DYNC1I2: variants seen among roughly 807,000 people sequenced by gnomAD.
The protein encoded by DYNC1I2 is dynein cytoplasmic 1 intermediate chain 2.
A neutral mutation model predicts 88.6 loss-of-function variants in DYNC1I2; 53 were observed. The observed-to-expected ratio is 0.60, with a 90% CI of 0.48 to 0.75. DYNC1I2 has a LOEUF of 0.75. DYNC1I2 is among the 30% of genes least tolerant of loss of function. The probability of loss-of-function intolerance (pLI) is 0.00; values close to 1 mark genes in which losing one functional copy is unlikely to be tolerated. For synonymous variants in DYNC1I2, 198 were observed against 254.6 expected, an observed-to-expected ratio of 0.78 and a Z score of 2.12; for missense variants, 458 against 766.6, an observed-to-expected ratio of 0.60 and a Z score of 4.75.
At chr2:171,703,993 C>T (rs928765787) in intron 3 of DYNC1I2, among the ~76,000 whole-genome samples, 1 of 152,290 alleles carries the variant, frequency 6.6e-6, no homozygotes, top group African/African-American at 2.4e-5. Flanking sequence ...GTCTTTCTTC[C>T]TGATAAAAAC....
chr2:171,704,162 C>T (rs1686489304), intron 3 of DYNC1I2, among the ~76,000 whole-genome samples: 1 of 152,036 alleles, frequency 6.6e-6, no homozygotes, highest in African/African-American at 2.4e-5. Context: ...TAAAAATATT[C>T]TAGTTGTTTC....
At chr2:171,691,417 C>A (rs1685396386) in intron 2 of DYNC1I2, among the ~76,000 whole-genome samples, 1 of 151,996 alleles carries the variant, frequency 6.6e-6, no homozygotes, top group Non-Finnish European at 1.5e-5. Flanking sequence ...TCTTTAGGAC[C>A]AAGTTTTTAT....
chr2:171,699,591 AGTGTGTGTGTGTGTGTGTGT>A (rs3223500), intron 3 of DYNC1I2, among the ~76,000 whole-genome samples: 12 of 137,734 alleles, frequency 8.7e-5, no homozygotes, highest in Admixed American at 3.7e-4. Context: ...CATCATTTGG[AGTGTGTGTGTGTGTGTGTGT>A]GTGTGTGTGT....
In DYNC1I2 at chr2:171,728,870, T is replaced by C. The variant is rs763749269; in HGVS notation, c.1391+20T>C. The C allele has an allele frequency of 3.8e-6, 6 of 1,593,130 alleles. No homozygotes were observed. Among genetic ancestry groups the C allele is most frequent in the South Asian group, 2.3e-5 (2 of 86,610 alleles). On this transcript the variant is annotated intron_variant, in intron 14 of 17. Coordinates refer to ENST00000397119, the MANE Select transcript of DYNC1I2 (RefSeq NM_001378.3). Reference sequence around the variant, plus strand: ...TGGCAGGTAAACCTAAACTGGAATTTGCAATAATTTAAAATTCCTCCTTTA... The same window carrying C: ...TGGCAGGTAAACCTAAACTGGAATTCGCAATAATTTAAAATTCCTCCTTTA...
chr2:171,697,814 A>G (rs961802993), intron 3 of DYNC1I2, among the ~76,000 whole-genome samples: 2 of 152,056 alleles, frequency 1.3e-5, no homozygotes, highest in Non-Finnish European at 2.9e-5. Context: ...TGATCGCACT[A>G]CTGAACTCTA....
chr2:171,710,434 T>A (rs776817867), intron 5 of DYNC1I2, among the ~76,000 whole-genome samples: 2 of 152,178 alleles, frequency 1.3e-5, no homozygotes, highest in Non-Finnish European at 2.9e-5. Flanking sequence ...GCAACTTCAG[T>A]TGGCTAAGAT....
At chr2:171,713,330 A>T (rs1418642140) in intron 6 of DYNC1I2, among the ~76,000 whole-genome samples, 1 of 152,000 alleles carries the variant, frequency 6.6e-6, no homozygotes, top group Non-Finnish European at 1.5e-5. Flanking sequence ...GGATTAATAG[A>T]TTATTCATAG....
chr2:171,717,597 A>G (rs1244201146), intron 7 of DYNC1I2, among the ~76,000 whole-genome samples: 3 of 152,206 alleles, frequency 2.0e-5, no homozygotes, highest in Non-Finnish European at 2.9e-5. Flanking sequence ...GAAAGAAAGT[A>G]TGGAGCTTTC....
At chr2:171,730,811 C>T (rs186757652) in intron 15 of DYNC1I2, among the ~76,000 whole-genome samples, 5 of 152,092 alleles carry the variant, frequency 3.3e-5, no homozygotes, top group African/African-American at 9.6e-5. Flanking sequence ...GTAAGAAAAC[C>T]TAATGTAAGA....
At chr2:171,746,247 A>T (rs1367166954) in intron 17 of DYNC1I2, among the ~76,000 whole-genome samples, 1 of 152,178 alleles carries the variant, frequency 6.6e-6, no homozygotes, top group East Asian at 1.9e-4. Flanking sequence ...TTGGGGTTTT[A>T]TTGATATTGA....
At chr2:171,698,256 C>T (rs938710972) in intron 3 of DYNC1I2, among the ~76,000 whole-genome samples, 1 of 152,188 alleles carries the variant, frequency 6.6e-6, no homozygotes, top group Non-Finnish European at 1.5e-5. Context: ...TAAAGGGGAG[C>T]TTTCTCTCAA....
chr2:171,689,548 A>G (rs756036716), intron 1 of DYNC1I2, among the ~76,000 whole-genome samples: 137 of 152,196 alleles, frequency 9.0e-4, no homozygotes, highest in Non-Finnish European at 7.1e-4. Context: ...GGTACCTAAT[A>G]TATTGTCATC....
At chr2:171,746,225 T>C (rs1689769031) in intron 17 of DYNC1I2, among the ~76,000 whole-genome samples, 1 of 152,178 alleles carries the variant, frequency 6.6e-6, no homozygotes, top group Non-Finnish European at 1.5e-5. Context: ...AGTTTGGAGT[T>C]ATAGGTGGAC....
At position 171,708,476 on chromosome 2, in the gene DYNC1I2, T is replaced by G. The variant is rs1686853910; in HGVS notation, c.335+1099T>G. The stretch of plus-strand genomic sequence containing the variant: ...AAGTGCTTTCCAAATAGAACCAAAA[T>G]CACAAATCTAAGCTATACTATCTTT... On this transcript the variant is annotated intron_variant, in intron 5 of 17. Coordinates refer to ENST00000397119, the MANE Select transcript of DYNC1I2 (RefSeq NM_001378.3). Among the ~76,000 whole-genome samples the G allele has an allele frequency of 2.6e-5, 4 of 152,242 alleles. No individual in the cohort carries two copies. In the South Asian group the frequency reaches 8.3e-4, roughly 32 times the overall value.
At chr2:171,736,237 A>C (rs1334269316) in intron 15 of DYNC1I2, among the ~76,000 whole-genome samples, 1 of 152,238 alleles carries the variant, frequency 6.6e-6, no homozygotes, top group Non-Finnish European at 1.5e-5. Context: ...CATTTGCCTC[A>C]GTAACTTGCT....
rs1295323075 is a variant in DYNC1I2 at position 171,742,801 on chromosome 2, G to T, written c.1537-1248G>T. On this transcript the variant is annotated intron_variant, in intron 15 of 17. Coordinates refer to ENST00000397119, the MANE Select transcript of DYNC1I2 (RefSeq NM_001378.3). ...CACTTCTGTCTGAACTTACTGCTTT[G>T]TCTCTTTTGTCTGGCATTCTACAAC... 3.3e-5 allele frequency among the ~76,000 whole-genome samples: 5 copies of T among 152,090 alleles called. No individual in the cohort carries two copies. The East Asian group carries it at 9.6e-4, about 29-fold the overall frequency.
intron 15 of DYNC1I2, among the ~76,000 whole-genome samples, chr2:171,732,798 C>T (rs1688712975): frequency 1.3e-5 from 2 of 152,190 alleles, no homozygotes; most frequent in African/African-American, 4.8e-5. Flanking sequence ...TGTATAGTCA[C>T]AGGAGACACA....
intron 16 of DYNC1I2, among the ~76,000 whole-genome samples, chr2:171,744,868 T>G (rs183543723): frequency 6.6e-6 from 1 of 152,176 alleles, no homozygotes; most frequent in Non-Finnish European, 1.5e-5. Flanking sequence ...ATAATTAATA[T>G]TAGCATTTCT....
chr2:171,739,865 C>G (rs1397431023), intron 15 of DYNC1I2, among the ~76,000 whole-genome samples: 1 of 151,908 alleles, frequency 6.6e-6, no homozygotes. Flanking sequence ...GCCACCATGC[C>G]TGGCTAATTT....
Sources: gnomAD v4.1 joint callset for allele counts (sites outside exome capture counted in the v4.1 genomes callset) on GRCh38, gnomAD v4.1.1 for gene constraint, MANE v1.5 for transcripts, NCBI Gene and HGNC (gene_info 2026-07-23, HGNC 2026-07-21) for gene names.